The following PHLPP1 variants were observed in gnomAD, a reference collection of about 807,000 sequenced individuals.
PHLPP1 encodes the protein PH domain and leucine rich repeat protein phosphatase 1, also known as PH domain leucine-rich repeat-containing protein phosphatase 1.
PHLPP1 carries 42 observed loss-of-function variants against 117.2 expected under a neutral mutation model. The ratio of observed to expected loss-of-function variants is 0.36; its 90% CI spans 0.28 to 0.46. The LOEUF (loss-of-function observed/expected upper bound fraction) is 0.46, where lower values mean the gene tolerates loss of function less well. PHLPP1 is among the 20% of genes least tolerant of loss of function. The probability of loss-of-function intolerance (pLI) is 1.00; values close to 1 mark genes in which losing one functional copy is unlikely to be tolerated. For synonymous variants in PHLPP1, 1,042 were observed against 970.7 expected (o/e 1.07, Z -1.37); for missense variants, 2,084 against 2,241.9 (o/e 0.93, Z 1.42).
chr18:62,916,863 C>T (rs1327598355), intron 9 of PHLPP1, among the ~76,000 whole-genome samples: 9 of 141,612 alleles, frequency 6.4e-5, no homozygotes, highest in Non-Finnish European at 9.0e-5. Context: ...CAGCAATTCT[C>T]GTGCCTCAGC....
At chr18:62,857,151 GT>G (rs1915520247) in intron 3 of PHLPP1, among the ~76,000 whole-genome samples, 1 of 152,134 alleles carries the variant, frequency 6.6e-6, no homozygotes, top group Non-Finnish European at 1.5e-5. Flanking sequence ...GGTTGCATTA[GT>G]TTCCTGTGGC....
At chr18:62,901,952 T>A (rs1273966028) in intron 6 of PHLPP1, among the ~76,000 whole-genome samples, 1 of 152,174 alleles carries the variant, frequency 6.6e-6, no homozygotes, top group Non-Finnish European at 1.5e-5. Context: ...TCTAAACAAG[T>A]GCATCATCTC....
intron 4 of PHLPP1, among the ~76,000 whole-genome samples, chr18:62,882,409 C>T (rs1485932785): frequency 6.6e-6 from 1 of 152,024 alleles, no homozygotes; most frequent in Non-Finnish European, 1.5e-5. Flanking sequence ...GCTGGGACTA[C>T]AGGCGCCCGC....
At chr18:62,932,125 T>C (rs769654768) in intron 10 of PHLPP1, among the ~76,000 whole-genome samples, 2 of 151,962 alleles carry the variant, frequency 1.3e-5, no homozygotes, top group Admixed American at 6.6e-5. Flanking sequence ...GAGTCAATAA[T>C]AAAAATCTAC....
intron 1 of PHLPP1, among the ~76,000 whole-genome samples, chr18:62,775,040 A>T (rs1419174322): frequency 6.6e-6 from 1 of 152,174 alleles, no homozygotes; most frequent in Non-Finnish European, 1.5e-5. Context: ...ACTCTATTGA[A>T]ACTACATTCC....
chr18:62,717,288 G>A, intron 1 of PHLPP1, 29 bp downstream of exon 1: 1 of 1,537,594 alleles, frequency 6.5e-7, no homozygotes. Context: ...TTGACGGGTG[G>A]TTGCAAAAGC....
chr18:62,793,528 G>C (rs1913526418), intron 1 of PHLPP1, among the ~76,000 whole-genome samples: 1 of 152,176 alleles, frequency 6.6e-6, no homozygotes, highest in African/African-American at 2.4e-5. Flanking sequence ...CTCTTCCATA[G>C]TAACAACCAT....
In PHLPP1 at chr18:62,900,006, G is replaced by A. The variant is rs573269077; in HGVS notation, c.2445-2958G>A. On this transcript the variant is annotated intron_variant, in intron 6 of 16. Transcript: ENST00000262719. ...TTCATCATATTTTGCCTTTTAAAAA[G>A]TTTGTCTGGGCCAGGTGCAGTGGCT... is the stretch of plus-strand genomic sequence containing the variant. Among the ~76,000 whole-genome samples the A allele has an allele frequency of 2.1e-3, 313 of 152,142 alleles. 2 individuals carry two copies. Among genetic ancestry groups the A allele is most frequent in the African/African-American group, 7.2e-3 (300 of 41,534 alleles).
In PHLPP1 at chr18:62,741,264, G is replaced by A. The variant is rs533947120; in HGVS notation, c.1576+24005G>A. Reference sequence around the variant, plus strand: ...TGTTTTTTACTTGCTCAGGAACTTTGTATTTATTGGGCTAGCAGTTGTTGG... The same window carrying A: ...TGTTTTTTACTTGCTCAGGAACTTTATATTTATTGGGCTAGCAGTTGTTGG... On this transcript the variant is annotated intron_variant, in intron 1 of 16. Coordinates refer to ENST00000262719, the MANE Select transcript of PHLPP1 (RefSeq NM_194449.4). Among the ~76,000 whole-genome samples, 4 of 152,282 alleles carry A rather than the reference G, an allele frequency of 2.6e-5. No homozygotes were observed. In the South Asian group the frequency reaches 6.2e-4, roughly 24 times the overall value.
Position 62,918,429 on chromosome 18 carries a change from A to AATATATATATATATATATATATATAT in PHLPP1, c.2805-1512_2805-1511insATATATATATATATATATATATATAT, listed in dbSNP as rs34065978. ...TTAGTTATTTATGTGGTAAAGGATA[A>AATATATATATATATATATATATATAT]ATATATATATATATATATGATGAAC... On this transcript the variant is annotated intron_variant, in intron 9 of 16. Transcript: ENST00000262719. 1.3e-3 allele frequency among the ~76,000 whole-genome samples: 181 copies of AATATATATATATATATATATATATAT among 140,450 alleles called. 3 individuals are homozygous for AATATATATATATATATATATATATAT. Among genetic ancestry groups the AATATATATATATATATATATATATAT allele is most frequent in the African/African-American group, 4.8e-3 (177 of 36,982 alleles). 92.1% of individuals were successfully genotyped at this position (140,450 alleles called of 152,430 possible).
rs187711700 is a variant in PHLPP1 at position 62,761,804 on chromosome 18, C to T, written c.1576+44545C>T. On this transcript the variant is annotated intron_variant, in intron 1 of 16. Coordinates refer to ENST00000262719, the MANE Select transcript of PHLPP1 (RefSeq NM_194449.4). ...TTTTAAAAAAATAATGACAGAGTCT[C>T]ACTATGTTGGCCAGGTTGGTCTTGA... Among the ~76,000 whole-genome samples the T allele has an allele frequency of 1.5e-3, 228 of 152,080 alleles. 1 individual carries two copies. Among genetic ancestry groups the T allele is most frequent in the African/African-American group, 5.3e-3 (221 of 41,506 alleles).
intron 1 of PHLPP1, among the ~76,000 whole-genome samples, chr18:62,766,060 C>CAAAAA (rs1168861892): frequency 0.038 from 577 of 15,166 alleles, 119 homozygotes; most frequent in Non-Finnish European, 0.059. Context: ...GACTCCATCT[C>CAAAAA]AAAAAAAAAA....
chr18:62,887,061 G>A (rs772148380), intron 4 of PHLPP1, among the ~76,000 whole-genome samples: 1 of 152,152 alleles, frequency 6.6e-6, no homozygotes, highest in Non-Finnish European at 1.5e-5. Context: ...TACTCATACT[G>A]CTACTCTTGG....
intron 4 of PHLPP1, among the ~76,000 whole-genome samples, chr18:62,872,041 A>C (rs1378649389): frequency 1.3e-5 from 2 of 152,180 alleles, no homozygotes; most frequent in Non-Finnish European, 2.9e-5. Context: ...AGGAGGCAAA[A>C]CTTTACCCGT....
rs556255689 is a variant in PHLPP1, at chr18:62,873,874, A to G, written c.2066+13273A>G. ...TTAAGCATTGAAATAAATATGAGCT[A>G]TGCATATACTTAAGAAAGATAAATA... On this transcript the variant is annotated intron_variant, in intron 4 of 16. Transcript: ENST00000262719. Among the ~76,000 whole-genome samples the G allele has an allele frequency of 3.3e-5, 5 of 152,312 alleles. No homozygotes were observed. The South Asian group carries it at 6.2e-4, about 19-fold the overall frequency.
intron 8 of PHLPP1, among the ~76,000 whole-genome samples, chr18:62,912,491 C>G (rs1266808203): frequency 6.6e-6 from 1 of 151,384 alleles, no homozygotes; most frequent in Non-Finnish European, 1.5e-5. Context: ...GTTTTCTTTC[C>G]CCACCCACTC....
chr18:62,945,293 A>T, intron 12 of PHLPP1, 22 bp downstream of exon 12: 2 of 1,569,836 alleles, frequency 1.3e-6, no homozygotes, highest in Non-Finnish European at 1.7e-6. Flanking sequence ...CATTTCATAA[A>T]CTCTAAGCTT....
At chr18:62,782,618 CAG>C (rs1913150363) in intron 1 of PHLPP1, among the ~76,000 whole-genome samples, 2 of 152,254 alleles carry the variant, frequency 1.3e-5, no homozygotes, top group African/African-American at 2.4e-5. Context: ...ATATATGTGA[CAG>C]AATTCACAAA....
chr18:62,884,031 A>T (rs1916227081), intron 4 of PHLPP1, among the ~76,000 whole-genome samples: 1 of 152,232 alleles, frequency 6.6e-6, no homozygotes, highest in Non-Finnish European at 1.5e-5. Context: ...GAATTGTAAC[A>T]GCAGAAAAAC....
Sources: allele counts gnomAD v4.1 joint callset (sites outside exome capture counted in the v4.1 genomes callset), GRCh38; gene constraint gnomAD v4.1.1; transcripts MANE v1.5; gene names NCBI Gene and HGNC (gene_info 2026-07-23, HGNC 2026-07-21).